Variants in MAP7D3 observed in about 807,000 individuals in gnomAD.
The protein encoded by MAP7D3 is MAP7 domain containing 3.
In MAP7D3, 45 loss-of-function variants were observed where a neutral mutation model predicts 62.2. The ratio of observed to expected loss-of-function variants is 0.72; its 90% CI spans 0.57 to 0.93. The LOEUF is 0.93. MAP7D3 is among the 40% of genes least tolerant of loss of function. The pLI is 0.00. For missense variants in MAP7D3, 711 were observed against 683.1 expected (o/e 1.04, Z -0.45); for synonymous variants, 288 against 248.8 (o/e 1.16, Z -1.48).
chrX:136,231,260 A>G (rs74833574), intron 8 of MAP7D3: 1 of 334,637 alleles, frequency 3.0e-6, no homozygotes, highest in East Asian at 4.7e-5. Flanking sequence ...ACATTTCTCA[A>G]AAAACATTTC....
intron 6 of MAP7D3, among the ~76,000 whole-genome samples, chrX:136,240,101 T>C (rs773911100): frequency 5.6e-4 from 61 of 108,016 alleles, no homozygotes; most frequent in Non-Finnish European, 1.1e-3. Context: ...TCCAGCTACT[T>C]GGGAGGCTGA....
chrX:136,231,934 C>A lies in MAP7D3; in HGVS notation c.1023G>T (p.Val341=). 1 of 1,211,743 alleles carries A rather than the reference C, an allele frequency of 8.3e-7. No individual in the cohort carries two copies. Among genetic ancestry groups the A allele is most frequent in the African/African-American group, 1.7e-5 (1 of 57,751 alleles). ...PEVSTDSFPV[V]SVDVSPVVST... ...TCACCACAGGCGACACGTCCACGCT[C>A]ACCACAGGGAATGAGTCCGTGCTCA... The change falls in exon 8 of 19, where the codon GTG becomes GTT. Residue 341 remains valine (V), a synonymous_variant. Coordinates refer to ENST00000316077, the MANE Select transcript of MAP7D3 (RefSeq NM_024597.4).
Position 136,221,382 on chromosome X carries a change from G to C in MAP7D3, c.2288-419C>G. 2.7e-5 allele frequency among the ~76,000 whole-genome samples: 3 copies of C among 111,617 alleles called. No individual in the cohort carries two copies. The South Asian group carries it at 1.1e-3, about 42-fold the overall frequency. On this transcript the variant is annotated intron_variant, in intron 15 of 18. Transcript: ENST00000316077. ...GCTCTGTTGCCCAGGCTGGAGTGCA[G>C]TGGCACGATCTCCACTCACTGCAAG...
At chrX:136,250,894 T>TGC (rs1426610686) in intron 1 of MAP7D3, among the ~76,000 whole-genome samples, 2 of 111,098 alleles carry the variant, frequency 1.8e-5, no homozygotes, top group African/African-American at 6.5e-5. Flanking sequence ...TTGGGGCGGT[T>TGC]GCGCGGGCGG....
chrX:136,239,122 T>C (rs2074360463), intron 6 of MAP7D3, among the ~76,000 whole-genome samples: 1 of 111,956 alleles, frequency 8.9e-6, no homozygotes, highest in African/African-American at 3.2e-5. Context: ...CTTTTTTTCC[T>C]CTAGAAAGAA....
chrX:136,239,663 T>C (rs1301748124), intron 6 of MAP7D3, among the ~76,000 whole-genome samples: 2 of 112,303 alleles, frequency 1.8e-5, no homozygotes, highest in Non-Finnish European at 3.8e-5. Flanking sequence ...TCCACTGCTA[T>C]ATATATGCTA....
intron 14 of MAP7D3, 70 bp downstream of exon 14, chrX:136,224,757 G>A (rs1232555750): frequency 1.4e-6 from 1 of 713,264 alleles, no homozygotes; most frequent in African/African-American, 2.1e-5. Context: ...ATTGGGTAAA[G>A]TGAAAAACTC....
intron 14 of MAP7D3, among the ~76,000 whole-genome samples, chrX:136,224,481 C>CA (rs368465251): frequency 0.011 from 710 of 66,293 alleles, 9 homozygotes; most frequent in African/African-American, 0.033. Flanking sequence ...ACATTGTATA[C>CA]AAAAAAAAAA....
chrX:136,242,874 T>A (rs917880426), intron 4 of MAP7D3, among the ~76,000 whole-genome samples: 2 of 111,816 alleles, frequency 1.8e-5, no homozygotes, highest in Non-Finnish European at 3.8e-5. Flanking sequence ...CACAGAAAAG[T>A]AAAATAAGAG....
upstream of MAP7D3, chrX:136,251,480 G>C (rs2074512868): frequency 7.2e-6 from 5 of 695,344 alleles, no homozygotes; most frequent in Non-Finnish European, 8.8e-6. Context: ...GGGCGGGGCG[G>C]GGCCCGAAGG....
intron 4 of MAP7D3, among the ~76,000 whole-genome samples, chrX:136,244,353 A>G (rs1239959621): frequency 1.8e-5 from 2 of 111,750 alleles, no homozygotes; most frequent in African/African-American, 6.5e-5. Flanking sequence ...CCCAGGCCAC[A>G]GGTACCTCAT....
rs1419770706 is a variant in MAP7D3 at position 136,219,704 on chromosome X, T to C, written c.2487-33A>G. The C allele has an allele frequency of 6.6e-6, 7 of 1,067,355 alleles. No individual in the cohort carries two copies. In the South Asian group the frequency reaches 9.3e-5, roughly 14 times the overall value. The allele number at this position is 1,067,355 out of a possible 1,213,427, so 88.0% of individuals were successfully genotyped here. A position where few individuals can be genotyped will look rare whatever the true frequency, so the allele number is the denominator to read the frequency against. ...GAGACAGTTTGGTTAGAATCCCAATTATTCCCAAACCAAGGCTCTGGCCTA... is the reference window on the plus strand; with the variant it reads ...GAGACAGTTTGGTTAGAATCCCAATCATTCCCAAACCAAGGCTCTGGCCTA... On this transcript the variant is annotated intron_variant, in intron 16 of 18. Transcript: ENST00000316077.
chrX:136,233,038 T>C (rs1049242074), intron 7 of MAP7D3, among the ~76,000 whole-genome samples: 1 of 111,721 alleles, frequency 9.0e-6, no homozygotes, highest in Non-Finnish European at 1.9e-5. Flanking sequence ...CTGTTTATAA[T>C]ACTGAAACAA....
chrX:136,229,995 T>A (rs868082518), intron 10 of MAP7D3, among the ~76,000 whole-genome samples: 151 of 75,786 alleles, frequency 2.0e-3, no homozygotes, highest in African/African-American at 3.7e-3. Flanking sequence ...ATATATATAT[T>A]TTTTTTTTTT....
Position 136,224,808 on chromosome X carries a change from G to A in MAP7D3, c.2193+19C>T, listed in dbSNP as rs769787877. On this transcript the variant is annotated intron_variant, in intron 14 of 18. Transcript: ENST00000316077. ...CAAGAGGCATTCTTATACACTGCTGGTAGGAGTATGGAGACTACCTTTGAG... is the reference window on the plus strand; with the variant it reads ...CAAGAGGCATTCTTATACACTGCTGATAGGAGTATGGAGACTACCTTTGAG... 1 of 1,126,791 alleles carries A rather than the reference G, an allele frequency of 8.9e-7. No individual in the cohort carries two copies. Among genetic ancestry groups the A allele is most frequent in the African/African-American group, 1.8e-5 (1 of 56,328 alleles). The allele number at this position is 1,126,791 out of a possible 1,213,427, so 92.9% of individuals were successfully genotyped here. A position where few individuals can be genotyped will look rare whatever the true frequency, so the allele number is the denominator to read the frequency against.
At chrX:136,243,020 GA>G (rs771837197) in intron 4 of MAP7D3, among the ~76,000 whole-genome samples, 2 of 111,177 alleles carry the variant, frequency 1.8e-5, no homozygotes, top group East Asian at 5.7e-4. Context: ...CATGGATGGG[GA>G]AAAAGTGGCA....
rs151267120 is a variant in MAP7D3 at position 136,233,635 on chromosome X, TAAAAAAAAAAAAAAA to T, written c.737-1430_737-1416del. 2.9e-4 allele frequency among the ~76,000 whole-genome samples: 9 copies of T among 30,588 alleles called. 1 individual carries two copies. The highest frequency in any genetic ancestry group is 1.2e-3 in the African/African-American group (9 of 7,266). The allele number at this position is 30,588 out of a possible 115,157, so 26.6% of individuals were successfully genotyped here. A position where few individuals can be genotyped will look rare whatever the true frequency, so the allele number is the denominator to read the frequency against. On this transcript the variant is annotated intron_variant, in intron 7 of 18. Coordinates refer to ENST00000316077, the MANE Select transcript of MAP7D3 (RefSeq NM_024597.4). ...TTCCTTAAGACCTGGTAAATTAAAC[TAAAAAAAAAAAAAAA>T]AAAAAAAAAAAAAAGACCTGGTTAA... is the stretch of plus-strand genomic sequence containing the variant.
intron 10 of MAP7D3, 123 bp from the exon 11 acceptor site, chrX:136,228,881 T>A: frequency 2.0e-6 from 1 of 504,336 alleles, no homozygotes; most frequent in Non-Finnish European, 2.9e-6. Context: ...AATTTATAAA[T>A]CACAAGCAAA....
At chrX:136,225,090 C>T (rs949714093) in intron 13 of MAP7D3, among the ~76,000 whole-genome samples, 9 of 112,039 alleles carry the variant, frequency 8.0e-5, no homozygotes, top group African/African-American at 2.3e-4. Flanking sequence ...GAATGATGAC[C>T]GCTGTATTTG....
Sources: gnomAD v4.1 joint callset for allele counts (sites outside exome capture counted in the v4.1 genomes callset) on GRCh38, gnomAD v4.1.1 for gene constraint, MANE v1.5 for transcripts, NCBI Gene and HGNC (gene_info 2026-07-23, HGNC 2026-07-21) for gene names.